SLC12A3: variants seen among roughly 807,000 people sequenced by gnomAD.
SLC12A3 encodes the protein solute carrier family 12 member 3.
In SLC12A3, 104 loss-of-function variants were observed where a neutral mutation model predicts 121.0. That is an observed-to-expected ratio of 0.86 (90% CI 0.73 to 1.01). The LOEUF is 1.01. SLC12A3 is among the 50% of genes least tolerant of loss of function. SLC12A3 has a pLI of 0.00. For synonymous variants in SLC12A3, 536 were observed against 533.4 expected (o/e 1.00, Z -0.07); for missense variants, 1,328 against 1,356.3 (o/e 0.98, Z 0.33).
chr16:56,909,815 A>C (rs935736931), intron 25 of SLC12A3, among the ~76,000 whole-genome samples: 1 of 152,086 alleles, frequency 6.6e-6, no homozygotes, highest in Non-Finnish European at 1.5e-5. Context: ...AAATCTCCCA[A>C]GCCTCGGTGA....
At chr16:56,874,933 G>T (rs531884078) in intron 8 of SLC12A3, among the ~76,000 whole-genome samples, 2 of 152,336 alleles carry the variant, frequency 1.3e-5, no homozygotes, top group South Asian at 4.1e-4. Context: ...CGTTGGTTTG[G>T]CTCCTCTCCT....
chr16:56,879,035 G>A (rs2144711160), intron 9 of SLC12A3, 38 bp from the exon 10 acceptor site: 1 of 1,579,466 alleles, frequency 6.3e-7, no homozygotes, highest in Non-Finnish European at 8.6e-7. Context: ...AGTAAGGAGG[G>A]AAGGCAGACC....
At chr16:56,905,462 GCCAA>G (rs1567448616) in intron 25 of SLC12A3, among the ~76,000 whole-genome samples, 1 of 151,990 alleles carries the variant, frequency 6.6e-6, no homozygotes, top group Admixed American at 6.6e-5. Context: ...TTTCCTGGGG[GCCAA>G]CCACCTGGGA....
At chr16:56,872,863 T>A in intron 8 of SLC12A3, 77 bp downstream of exon 8, 1 of 1,579,260 alleles carries the variant, frequency 6.3e-7, no homozygotes, top group Non-Finnish European at 8.7e-7. Context: ...CCTGCTCTAG[T>A]GGCATCTGCC....
chr16:56,876,869 A>G (rs2055170356), intron 8 of SLC12A3, among the ~76,000 whole-genome samples: 1 of 152,166 alleles, frequency 6.6e-6, no homozygotes, highest in Admixed American at 6.5e-5. Flanking sequence ...AACTTACTGT[A>G]AAAATCCCAG....
chr16:56,873,273 C>T (rs1365329052), intron 8 of SLC12A3, among the ~76,000 whole-genome samples: 1 of 152,104 alleles, frequency 6.6e-6, no homozygotes, highest in African/African-American at 2.4e-5. Flanking sequence ...GCCCGTGTTA[C>T]CTCGTCCCTC....
intron 14 of SLC12A3, among the ~76,000 whole-genome samples, chr16:56,884,427 A>G (rs551030942): frequency 6.6e-6 from 1 of 152,004 alleles, no homozygotes; most frequent in South Asian, 2.1e-4. Context: ...GGCACCCAGG[A>G]CCCTGGAATC....
At chr16:56,879,346 T>G in intron 10 of SLC12A3, 119 bp downstream of exon 10, 1 of 1,356,510 alleles carries the variant, frequency 7.4e-7, no homozygotes, top group Non-Finnish European at 1.0e-6. Flanking sequence ...GGCCTAGGCT[T>G]AGGAGAGAGG....
chr16:56,904,015 C>T (rs1365510001), intron 24 of SLC12A3, among the ~76,000 whole-genome samples: 1 of 152,252 alleles, frequency 6.6e-6, no homozygotes, highest in African/African-American at 2.4e-5. Context: ...AAGGTATCAT[C>T]ATACCCATTT....
rs1324054849 is a variant in SLC12A3, at chr16:56,902,415, T to C, written c.2763T>C (p.Asn921=). The change falls in exon 24 of 26, where the codon AAT becomes AAC. Residue 921 remains asparagine, a synonymous_variant. Transcript: ENST00000563236. The part of the protein sequence containing the change: ...FEDMIAPFRL[N]DGFKDEATVN... Reference sequence around the variant, plus strand: ...ACATGATTGCACCCTTCCGTCTGAATGATGGCTTCAAGGATGAGGCCACTG... The same window carrying C: ...ACATGATTGCACCCTTCCGTCTGAACGATGGCTTCAAGGATGAGGCCACTG... 4 of 1,613,528 alleles carry C rather than the reference T, an allele frequency of 2.5e-6. No individual in the cohort carries two copies. The Admixed American group carries it at 6.7e-5, about 27-fold the overall frequency.
intron 10 of SLC12A3, 52 bp downstream of exon 10, chr16:56,879,279 T>G (rs1455717098): frequency 6.2e-7 from 1 of 1,608,470 alleles, no homozygotes; most frequent in South Asian, 1.1e-5. Flanking sequence ...GGGTGGAGGC[T>G]GCAGGGCCCC....
Position 56,872,777 on chromosome 16 carries a change from T to C in SLC12A3, c.1086T>C (p.Gly362=). ...TCCTGGCAGGGGCCAACATATCTGG[T>C]GACCTCAAGGTGAGCAGAATACTTG... ...TGILAGANIS[G]DLKDPAIAIP... is the part of the protein sequence containing the mutation. The change falls in exon 8 of 26, where the codon GGT becomes GGC. Residue 362 remains glycine (G), a synonymous_variant. Coordinates refer to ENST00000563236, the MANE Select transcript of SLC12A3 (RefSeq NM_001126108.2). The C allele has an allele frequency of 6.2e-7, 1 of 1,614,252 alleles. No homozygotes were observed. The highest frequency in any genetic ancestry group is 8.5e-7 in the Non-Finnish European group (1 of 1,180,042).
At chr16:56,867,695 C>G (rs1489280183) in intron 2 of SLC12A3, among the ~76,000 whole-genome samples, 2 of 152,182 alleles carry the variant, frequency 1.3e-5, no homozygotes, top group African/African-American at 4.8e-5. Context: ...AACCACGAGC[C>G]CTCCCCGACC....
chr16:56,911,626 C>T (rs2055686953), intron 25 of SLC12A3, among the ~76,000 whole-genome samples: 1 of 152,132 alleles, frequency 6.6e-6, no homozygotes, highest in Admixed American at 6.5e-5. Flanking sequence ...TGGCCCGGGA[C>T]ATTGCTTTTT....
rs1447667838 is a variant in SLC12A3 at position 56,865,507 on chromosome 16, C to G, written c.272C>G (p.Ser91Cys). The change falls in exon 1 of 26, where the codon TCC becomes TGC. Residue 91 changes from serine to cysteine, a missense_variant. Physicochemically the swap from Ser to Cys is moderately radical, Grantham distance 112 (BLOSUM62 -1). Coordinates refer to ENST00000563236, the MANE Select transcript of SLC12A3 (RefSeq NM_001126108.2). Reference sequence around the variant, plus strand: ...CGGCCCACACTGGCTGACCTGCACTCCTTCCTCAAGGTAAGTGCTGTCTCA... The same window carrying G: ...CGGCCCACACTGGCTGACCTGCACTGCTTCCTCAAGGTAAGTGCTGTCTCA... ...KVRPTLADLH[S>C]FLKQEGRHLH... 1.9e-6 allele frequency: 3 copies of G among 1,612,522 alleles called. No individual in the cohort carries two copies. Among genetic ancestry groups the G allele is most frequent in the Admixed American group, 1.7e-5 (1 of 60,036 alleles).
intron 12 of SLC12A3, among the ~76,000 whole-genome samples, chr16:56,880,895 T>TA (rs1192144211): frequency 6.6e-6 from 1 of 152,234 alleles, no homozygotes; most frequent in Non-Finnish European, 1.5e-5. Flanking sequence ...CAATAGTGCC[T>TA]AACAGGTGTG....
intron 8 of SLC12A3, among the ~76,000 whole-genome samples, chr16:56,876,860 A>C (rs1234374797): frequency 6.6e-6 from 1 of 152,102 alleles, no homozygotes; most frequent in African/African-American, 2.4e-5. Context: ...CAGGTCTTGA[A>C]CTTACTGTAA....
In SLC12A3 at chr16:56,894,613, G is replaced by A. The variant is rs765349430; in HGVS notation, c.2604G>A (p.Gln868=). 6.2e-7 allele frequency: 1 copy of A among 1,613,980 alleles called. No homozygotes were observed. The highest frequency in any genetic ancestry group is 1.3e-5 in the African/African-American group (1 of 74,908). Residue 868 remains glutamine, a synonymous_variant, in exon 22 of 26, where the codon CAG becomes CAA. Coordinates refer to ENST00000563236, the MANE Select transcript of SLC12A3 (RefSeq NM_001126108.2). ...KCKIRVFVGG[Q]INRMDQERKA... ...AGATCCGTGTGTTCGTAGGCGGCCA[G>A]ATTAACAGGATGGACCAGGAGAGAA... is the stretch of plus-strand genomic sequence containing the variant.
intron 20 of SLC12A3, 126 bp downstream of exon 20, chr16:56,892,259 G>T: frequency 1.2e-6 from 1 of 838,342 alleles, no homozygotes; most frequent in South Asian, 1.3e-5. Context: ...GTTTTTTCTT[G>T]TGACGGTGGT....
Sources: allele counts gnomAD v4.1 joint callset (sites outside exome capture counted in the v4.1 genomes callset), GRCh38; gene constraint gnomAD v4.1.1; transcripts MANE v1.5; gene names NCBI Gene and HGNC (gene_info 2026-07-23, HGNC 2026-07-21).